Variants in EPC2 observed in about 807,000 individuals in gnomAD.
EPC2 encodes the protein enhancer of polycomb homolog 2.
EPC2 carries 14 observed loss-of-function variants against 92.1 expected under a neutral mutation model. The ratio of observed to expected loss-of-function variants is 0.15; its 90% CI spans 0.10 to 0.24. The LOEUF is 0.24. Among genes scored for constraint, EPC2 ranks in the 10% least tolerant of loss-of-function variants. The probability of loss-of-function intolerance (pLI) is 1.00; values close to 1 mark genes in which losing one functional copy is unlikely to be tolerated. For missense variants in EPC2, 755 were observed against 971.5 expected (o/e 0.78, Z 2.96); for synonymous variants, 340 against 334.7 (o/e 1.02, Z -0.17).
intron 1 of EPC2, among the ~76,000 whole-genome samples, chr2:148,650,593 A>G (rs1680661696): frequency 1.3e-5 from 2 of 152,112 alleles, no homozygotes; most frequent in Admixed American, 6.5e-5. Context: ...ACTAATTTGA[A>G]TTGCCATATC....
chr2:148,756,375 G>A (rs1020883836), intron 4 of EPC2, among the ~76,000 whole-genome samples: 1 of 152,196 alleles, frequency 6.6e-6, no homozygotes, highest in Admixed American at 6.5e-5. Flanking sequence ...AAATGGGAAA[G>A]CACTCAAATA....
At chr2:148,655,742 C>T (rs1680779698) in intron 1 of EPC2, among the ~76,000 whole-genome samples, 1 of 152,150 alleles carries the variant, frequency 6.6e-6, no homozygotes, top group African/African-American at 2.4e-5. Flanking sequence ...GCCCAAATGG[C>T]AATCTCATTC....
At chr2:148,740,777 A>G (rs1682867076) in intron 2 of EPC2, among the ~76,000 whole-genome samples, 2 of 152,172 alleles carry the variant, frequency 1.3e-5, no homozygotes, top group African/African-American at 4.8e-5. Flanking sequence ...ACTCTGCTCC[A>G]CACTTTCCTA....
At chr2:148,683,122 G>A (rs1221265743) in intron 1 of EPC2, among the ~76,000 whole-genome samples, 2 of 151,088 alleles carry the variant, frequency 1.3e-5, no homozygotes, top group Non-Finnish European at 2.9e-5. Flanking sequence ...AACAGGTGGT[G>A]TTTGCTTGCT....
chr2:148,674,517 G>A (rs1400892634), intron 1 of EPC2, among the ~76,000 whole-genome samples: 1 of 152,210 alleles, frequency 6.6e-6, no homozygotes, highest in Non-Finnish European at 1.5e-5. Flanking sequence ...TCTACCTGCT[G>A]TGGTGCAGGT....
At chr2:148,751,985 G>A (rs1683089263) in intron 3 of EPC2, among the ~76,000 whole-genome samples, 1 of 152,156 alleles carries the variant, frequency 6.6e-6, no homozygotes, top group Admixed American at 6.5e-5. Context: ...GTGATATAAA[G>A]ACGGCTTTTA....
intron 1 of EPC2, among the ~76,000 whole-genome samples, chr2:148,671,649 A>C (rs1681157705): frequency 1.3e-5 from 2 of 151,882 alleles, no homozygotes; most frequent in Non-Finnish European, 2.9e-5. Context: ...GTCATATTTA[A>C]TTTTCTTTGG....
chr2:148,779,889 A>G (rs544192987), intron 10 of EPC2, among the ~76,000 whole-genome samples: 104 of 152,308 alleles, frequency 6.8e-4, no homozygotes, highest in Admixed American at 2.5e-3. Flanking sequence ...GGTGCACTGT[A>G]CACATGGGAC....
chr2:148,645,322 C>A (rs1683772311), intron 1 of EPC2, 152 bp downstream of exon 1: 6 of 671,220 alleles, frequency 8.9e-6, no homozygotes, highest in Non-Finnish European at 1.5e-5. Context: ...GTAGCGTAAA[C>A]CCTCTCGGCC....
rs760446331 is a variant in EPC2, at chr2:148,771,310, C to T, written c.1643C>T (p.Pro548Leu). 6.2e-7 allele frequency: 1 copy of T among 1,613,810 alleles called. No individual in the cohort carries two copies. The highest frequency in any genetic ancestry group is 1.7e-5 in the Admixed American group (1 of 60,004). The change falls in exon 10 of 14, where the codon CCA (proline) becomes CTA (leucine). Residue 548 changes from proline (P) to leucine (L), a missense_variant. By Grantham distance (98) the Pro-to-Leu change is moderately conservative (BLOSUM62 -3). This residue lies in a region of EPC2 where 509 missense variants were observed against 607.7 expected (regional missense o/e 0.84). Transcript: ENST00000258484. ...SDSEECTSRKPGQTVNNKRVS... is the reference protein window; with the variant it reads ...SDSEECTSRKLGQTVNNKRVS... ...AGTGAAGAATGTACCTCAAGAAAACCAGGGCAGACTGTGAACAATAAAAGA... is the reference window on the plus strand; with the variant it reads ...AGTGAAGAATGTACCTCAAGAAAACTAGGGCAGACTGTGAACAATAAAAGA...
chr2:148,667,803 A>G (rs1171310571), intron 1 of EPC2, among the ~76,000 whole-genome samples: 1 of 152,130 alleles, frequency 6.6e-6, no homozygotes, highest in Non-Finnish European at 1.5e-5. Context: ...ATTCTTTTGT[A>G]GTTCTGGTTT....
At chr2:148,738,303 CTG>C (rs1008962573) in intron 2 of EPC2, among the ~76,000 whole-genome samples, 1 of 152,198 alleles carries the variant, frequency 6.6e-6, no homozygotes, top group Non-Finnish European at 1.5e-5. Context: ...AGTTGCTCAT[CTG>C]TGATCCCACA....
intron 4 of EPC2, among the ~76,000 whole-genome samples, chr2:148,755,250 G>A (rs1350651625): frequency 6.6e-6 from 1 of 151,818 alleles, no homozygotes; most frequent in African/African-American, 2.4e-5. Flanking sequence ...CTTAGCTAAG[G>A]GAATCTACAA....
rs1469129858 is a variant in EPC2, at chr2:148,769,932, T to C, written c.1230+692T>C. Among the ~76,000 whole-genome samples the C allele has an allele frequency of 2.0e-5, 3 of 152,258 alleles. No homozygotes were observed. In the East Asian group the frequency reaches 5.8e-4, roughly 29 times the overall value. ...GAGGTGGAGATTTGTTTACTAGTTATGTTGATGAGAGAAGGGAAAATTCTT... is the reference window on the plus strand; with the variant it reads ...GAGGTGGAGATTTGTTTACTAGTTACGTTGATGAGAGAAGGGAAAATTCTT... On this transcript the variant is annotated intron_variant, in intron 8 of 13. Coordinates refer to ENST00000258484, the MANE Select transcript of EPC2 (RefSeq NM_015630.4).
At chr2:148,712,854 CT>C (rs1220378261) in intron 2 of EPC2, among the ~76,000 whole-genome samples, 2 of 152,116 alleles carry the variant, frequency 1.3e-5, no homozygotes, top group African/African-American at 4.8e-5. Flanking sequence ...CTGCACTCCA[CT>C]CTGGGCAACA....
chr2:148,713,415 A>G (rs1031589817), intron 2 of EPC2, among the ~76,000 whole-genome samples: 13 of 152,332 alleles, frequency 8.5e-5, no homozygotes, highest in South Asian at 4.1e-4. Flanking sequence ...GTACAGCTGT[A>G]TACTGTTTTA....
intron 1 of EPC2, among the ~76,000 whole-genome samples, chr2:148,687,856 AAATT>A (rs1453093308): frequency 1.3e-5 from 2 of 152,256 alleles, no homozygotes; most frequent in Admixed American, 6.5e-5. Context: ...GAAGATCATG[AAATT>A]AATTATTTTC....
chr2:148,644,930 G>C lies in EPC2; in HGVS notation c.-88G>C. On this transcript the variant is annotated 5_prime_UTR_variant, in exon 1 of 14. Coordinates refer to ENST00000258484, the MANE Select transcript of EPC2 (RefSeq NM_015630.4). ...GGGCCGGCCGCGCTGCACTGAGGAA[G>C]GAGGTGGAGGAGGCGGCGGGAGTCC... 8.7e-7 allele frequency: 1 copy of C among 1,148,376 alleles called. No individual in the cohort carries two copies. The highest frequency in any genetic ancestry group is 1.3e-6 in the Non-Finnish European group (1 of 795,252). The allele number at this position is 1,148,376 out of a possible 1,614,324, so 71.1% of individuals were successfully genotyped here. A position where few individuals can be genotyped will look rare whatever the true frequency, so the allele number is the denominator to read the frequency against.
intron 5 of EPC2, chr2:148,762,177 A>G: frequency 4.1e-6 from 1 of 241,096 alleles, no homozygotes; most frequent in Non-Finnish European, 7.9e-6. Context: ...TTTTGGCAGA[A>G]TCATTGAATT....
Sources: allele counts gnomAD v4.1 joint callset (sites outside exome capture counted in the v4.1 genomes callset), GRCh38; gene constraint gnomAD v4.1.1; regional missense constraint gnomAD v4.1.1; transcripts MANE v1.5; gene names NCBI Gene and HGNC (gene_info 2026-07-23, HGNC 2026-07-21).